SNX24: variants seen among roughly 807,000 people sequenced by gnomAD.
The protein encoded by SNX24 is sorting nexin 24, also known as sorting nexin-24.
A neutral mutation model predicts 28.7 loss-of-function variants in SNX24; 22 were observed. The observed-to-expected ratio is 0.77, with a 90% CI of 0.55 to 1.10. The LOEUF (loss-of-function observed/expected upper bound fraction) is 1.10. SNX24 is among the 50% of genes least tolerant of loss of function. The pLI is 0.00. For synonymous variants in SNX24, 69 were observed against 71.5 expected, an observed-to-expected ratio of 0.96 and a Z score of 0.18; for missense variants, 221 against 201.1, an observed-to-expected ratio of 1.10 and a Z score of -0.60.
At chr5:122,883,134 T>G (rs957629918) in intron 1 of SNX24, among the ~76,000 whole-genome samples, 2 of 152,152 alleles carry the variant, frequency 1.3e-5, no homozygotes, top group Non-Finnish European at 2.9e-5. Flanking sequence ...TAGAAGGAGA[T>G]AACTGTTCTT....
chr5:122,931,559 T>C (rs1758957920), intron 1 of SNX24, among the ~76,000 whole-genome samples: 1 of 152,166 alleles, frequency 6.6e-6, no homozygotes, highest in Non-Finnish European at 1.5e-5. Flanking sequence ...CAAGCCTGGC[T>C]TTAATATTTG....
chr5:122,932,363 C>T (rs1050895978), intron 1 of SNX24, among the ~76,000 whole-genome samples: 11 of 152,120 alleles, frequency 7.2e-5, no homozygotes, highest in African/African-American at 2.4e-4. Context: ...CAGAGCCAGG[C>T]GCAGTGGCAT....
At chr5:122,852,605 A>G (rs971536790) in intron 1 of SNX24, among the ~76,000 whole-genome samples, 2 of 152,104 alleles carry the variant, frequency 1.3e-5, no homozygotes, top group African/African-American at 4.8e-5. Context: ...AGCCTCTGAA[A>G]GTGCTGGGAT....
At chr5:122,918,301 GT>G (rs1446658953) in intron 1 of SNX24, among the ~76,000 whole-genome samples, 1 of 152,084 alleles carries the variant, frequency 6.6e-6, no homozygotes, top group Non-Finnish European at 1.5e-5. Flanking sequence ...CATACACAGA[GT>G]TTGTTCTTTG....
intron 3 of SNX24, among the ~76,000 whole-genome samples, chr5:122,950,871 A>G (rs1759908133): frequency 6.6e-6 from 1 of 152,156 alleles, no homozygotes. Context: ...GAAAATGATA[A>G]TGCTTAGAAA....
intron 1 of SNX24, among the ~76,000 whole-genome samples, chr5:122,868,093 C>T (rs79363451): frequency 2.4e-4 from 36 of 152,292 alleles, no homozygotes; most frequent in African/African-American, 7.7e-4. Context: ...GTAGAACCAT[C>T]GTAAACCTCT....
In SNX24 at chr5:122,941,656, T is replaced by C. The variant is rs191531096; in HGVS notation, c.145-4399T>C. On this transcript the variant is annotated intron_variant, in intron 2 of 6. Transcript: ENST00000261369. ...GGTACTTTTTTAAAAGTAGGGACCA[T>C]GTCCTGTCTTTCATATCTTTCACAC... Among the ~76,000 whole-genome samples the C allele has an allele frequency of 4.2e-4, 64 of 152,362 alleles. 1 individual carries two copies. In the East Asian group the frequency reaches 0.01, roughly 25 times the overall value.
intron 3 of SNX24, among the ~76,000 whole-genome samples, chr5:122,966,755 A>G (rs371542476): frequency 3.3e-5 from 5 of 152,338 alleles, no homozygotes; most frequent in African/African-American, 1.2e-4. Flanking sequence ...AGAGAAAAAA[A>G]GATATACCAC....
chr5:122,988,126 G>A (rs577507122), intron 3 of SNX24, among the ~76,000 whole-genome samples: 1 of 152,262 alleles, frequency 6.6e-6, no homozygotes, highest in East Asian at 1.9e-4. Context: ...CCACTGCCTG[G>A]TACAGTTTGT....
At chr5:122,882,717 AAC>A (rs1756535120) in intron 1 of SNX24, among the ~76,000 whole-genome samples, 1 of 152,294 alleles carries the variant, frequency 6.6e-6, no homozygotes, top group Middle Eastern at 3.4e-3. Flanking sequence ...TCCCTTGAAA[AAC>A]ACTGTTTTTT....
At chr5:122,888,453 A>T (rs1029467358) in intron 1 of SNX24, among the ~76,000 whole-genome samples, 5 of 152,260 alleles carry the variant, frequency 3.3e-5, no homozygotes, top group African/African-American at 9.6e-5. Flanking sequence ...CTCACCTATC[A>T]AATGAGGATA....
chr5:123,014,815 A>T (rs1489745658), intron 5 of SNX24, among the ~76,000 whole-genome samples: 1 of 152,204 alleles, frequency 6.6e-6, no homozygotes, highest in Non-Finnish European at 1.5e-5. Flanking sequence ...GCTTACTGGC[A>T]ACAGTGGCCT....
intron 5 of SNX24, chr5:123,025,646 T>A: frequency 1.2e-6 from 1 of 847,792 alleles, no homozygotes; most frequent in East Asian, 2.8e-5. Context: ...ATACCATATA[T>A]AATTTATTCA....
Position 122,946,116 on chromosome 5 carries a change from A to G in SNX24, c.206A>G (p.Lys69Arg), listed in dbSNP as rs1350669131. The G allele has an allele frequency of 9.3e-6, 15 of 1,611,986 alleles. No individual in the cohort carries two copies. Among genetic ancestry groups the G allele is most frequent in the Admixed American group, 3.3e-5 (2 of 59,934 alleles). The change falls in exon 3 of 7, where the codon AAA (lysine) becomes AGA (arginine). Residue 69 changes from lysine to arginine, a missense_variant. By Grantham distance (26) the Lys-to-Arg change is conservative (BLOSUM62 2). Transcript: ENST00000261369. ...AAACATGTTAGGAACTGGGTCCCCA[A>G]AGTCTTGGAACAGCGACGACAAGGC... ...PSKHVRNWVP[K>R]VLEQRRQGLE...
chr5:122,851,880 G>C (rs1754934209), intron 1 of SNX24, among the ~76,000 whole-genome samples: 1 of 151,906 alleles, frequency 6.6e-6, no homozygotes, highest in South Asian at 2.1e-4. Flanking sequence ...TAATTTTACA[G>C]TGTATACCTG....
chr5:122,985,255 G>A (rs1390140624), intron 3 of SNX24, among the ~76,000 whole-genome samples: 1 of 152,132 alleles, frequency 6.6e-6, no homozygotes, highest in Non-Finnish European at 1.5e-5. Flanking sequence ...CTTGAGAGAG[G>A]CACTGTGGAT....
chr5:122,913,527 G>A (rs1404133166), intron 1 of SNX24, among the ~76,000 whole-genome samples: 3 of 151,526 alleles, frequency 2.0e-5, no homozygotes, highest in Admixed American at 6.6e-5. Flanking sequence ...CTGGCGGAGG[G>A]GCTCCTCACT....
intron 3 of SNX24, chr5:122,965,545 A>G (rs1343452883): frequency 6.9e-6 from 3 of 436,152 alleles, no homozygotes; most frequent in Non-Finnish European, 1.4e-5. Context: ...GATGCCTTTT[A>G]TAAGAGAAAT....
chr5:122,869,930 G>A (rs894797107), intron 1 of SNX24, among the ~76,000 whole-genome samples: 1 of 150,362 alleles, frequency 6.7e-6, no homozygotes, highest in African/African-American at 2.5e-5. Context: ...GTTTGTACAT[G>A]GTTGGAGGAT....
Sources: allele counts gnomAD v4.1 joint callset (sites outside exome capture counted in the v4.1 genomes callset), GRCh38; gene constraint gnomAD v4.1.1; transcripts MANE v1.5; gene names NCBI Gene and HGNC (gene_info 2026-07-23, HGNC 2026-07-21).